AFG3L2: variants seen among roughly 807,000 people sequenced by gnomAD.
The protein encoded by AFG3L2 is mitochondrial inner membrane m-AAA protease component AFG3L2.
A neutral mutation model predicts 94.5 loss-of-function variants in AFG3L2; 54 were observed. The observed-to-expected ratio is 0.57, with a 90% CI of 0.46 to 0.72. The LOEUF is 0.72. Ranked by LOEUF, AFG3L2 falls within the 30% of genes least tolerant of loss-of-function variation. The pLI, the probability that AFG3L2 is intolerant of heterozygous loss-of-function variation, is 0.00. For missense variants in AFG3L2, 754 were observed against 994.9 expected (o/e 0.76, Z 3.26); for synonymous variants, 377 against 365.5 (o/e 1.03, Z -0.36).
chr18:12,369,816 G>A (rs902927126), intron 3 of AFG3L2, among the ~76,000 whole-genome samples: 4 of 152,004 alleles, frequency 2.6e-5, no homozygotes, highest in Non-Finnish European at 4.4e-5. Context: ...CAGCACTTTG[G>A]GAGGCCGAGG....
At chr18:12,332,745 C>G (rs72873482) in intron 16 of AFG3L2, among the ~76,000 whole-genome samples, 3,003 of 148,820 alleles carry the variant, frequency 0.02, 66 homozygotes, top group South Asian at 0.028. Flanking sequence ...CTATAATGCT[C>G]TGATTTTAAA....
intron 6 of AFG3L2, among the ~76,000 whole-genome samples, chr18:12,360,634 C>G (rs530540863): frequency 1.8e-4 from 27 of 152,342 alleles, no homozygotes; most frequent in South Asian, 4.1e-4. Flanking sequence ...CCTCTTTATT[C>G]TCTAGAGCTG....
intron 6 of AFG3L2, among the ~76,000 whole-genome samples, chr18:12,363,279 T>C (rs1310492823): frequency 6.6e-6 from 1 of 152,168 alleles, no homozygotes; most frequent in Non-Finnish European, 1.5e-5. Context: ...CTGGGGTCTC[T>C]GGAAGTATAT....
intron 1 of AFG3L2, among the ~76,000 whole-genome samples, 161 bp from the exon 2 acceptor site, chr18:12,371,852 C>T (rs1909002138): frequency 6.6e-6 from 1 of 152,176 alleles, no homozygotes; most frequent in Non-Finnish European, 1.5e-5. Flanking sequence ...GATTACCTAG[C>T]ACTAGGCCAC....
intron 15 of AFG3L2, 102 bp from the exon 16 acceptor site, chr18:12,337,637 G>A: frequency 9.3e-7 from 1 of 1,071,950 alleles, no homozygotes; most frequent in South Asian, 1.3e-5. Flanking sequence ...AAGGTGCTCT[G>A]TGTAGCCAGC....
intron 1 of AFG3L2, among the ~76,000 whole-genome samples, chr18:12,375,157 G>A (rs1046416722): frequency 6.6e-6 from 1 of 151,702 alleles, no homozygotes; most frequent in African/African-American, 2.4e-5. Context: ...ACGGCAGCGT[G>A]GCGTGACCAT....
chr18:12,339,798 G>A (rs1402031411), intron 15 of AFG3L2, among the ~76,000 whole-genome samples: 6 of 147,868 alleles, frequency 4.1e-5, no homozygotes, highest in East Asian at 4.0e-4. Flanking sequence ...GCAGTGAGCC[G>A]AGATTGCACC....
At chr18:12,361,442 C>A (rs1342112109) in intron 6 of AFG3L2, among the ~76,000 whole-genome samples, 2 of 151,942 alleles carry the variant, frequency 1.3e-5, no homozygotes. Context: ...AGGTCAGGAG[C>A]TCAAGATGAG....
chr18:12,339,881 G>A (rs372679619), intron 15 of AFG3L2, among the ~76,000 whole-genome samples: 1 of 146,976 alleles, frequency 6.8e-6, no homozygotes, highest in African/African-American at 2.5e-5. Flanking sequence ...TTAGCCACAT[G>A]TGGTGGCGCA....
rs1441431027 is a variant in AFG3L2, at chr18:12,370,743, G to A, written c.292+106C>T. The A allele has an allele frequency of 3.8e-6, 3 of 799,228 alleles. No homozygotes were observed. The Admixed American group carries it at 6.6e-5, about 18-fold the overall frequency. 49.5% of individuals were successfully genotyped at this position (799,228 alleles called of 1,614,324 possible). On this transcript the variant is annotated intron_variant, in intron 3 of 16. Transcript: ENST00000269143. ...CAAAAGGCTGGGATTACAGGCGTGA[G>A]ACACTGTGCCCGGCCTGATAACTCT...
chr18:12,366,106 G>C (rs923198988), intron 5 of AFG3L2, among the ~76,000 whole-genome samples: 21 of 151,970 alleles, frequency 1.4e-4, no homozygotes, highest in African/African-American at 5.1e-4. Context: ...TCAATCTCCT[G>C]ACCTCGTGAT....
chr18:12,353,401 C>A (rs1384259071), intron 9 of AFG3L2, among the ~76,000 whole-genome samples: 2 of 149,728 alleles, frequency 1.3e-5, no homozygotes, highest in Admixed American at 6.7e-5. Flanking sequence ...GTGATCCCAG[C>A]TACTCAGGAG....
At position 12,348,398 on chromosome 18, in the gene AFG3L2, C is replaced by A; in HGVS notation, c.1553-15G>T. On this transcript the variant is annotated splice_polypyrimidine_tract_variant and intron_variant, in intron 12 of 16. Coordinates refer to ENST00000269143, the MANE Select transcript of AFG3L2 (RefSeq NM_006796.3). ...AACATCAGCACCTAAAAAATGAACACAGAACAGCTTACCCACCGAAATACG... is the reference window on the plus strand; with the variant it reads ...AACATCAGCACCTAAAAAATGAACAAAGAACAGCTTACCCACCGAAATACG... 6.2e-7 allele frequency: 1 copy of A among 1,607,832 alleles called. No individual in the cohort carries two copies. Among genetic ancestry groups the A allele is most frequent in the Non-Finnish European group, 8.5e-7 (1 of 1,174,330 alleles).
Position 12,329,192 on chromosome 18 carries a change from C to T in AFG3L2, c.*373G>A, listed in dbSNP as rs886053612. ...AGGAGAAACAGGAATGAAGAGTGGG[C>T]GACAAAGAGAAAGCATCCCTTCCCA... On this transcript the variant is annotated 3_prime_UTR_variant, in exon 17 of 17. Coordinates refer to ENST00000269143, the MANE Select transcript of AFG3L2 (RefSeq NM_006796.3). The T allele has an allele frequency of 8.5e-6, 6 of 702,788 alleles. No homozygotes were observed. The highest frequency in any genetic ancestry group is 5.2e-5 in the African/African-American group (3 of 57,232). The allele number at this position is 702,788 out of a possible 1,614,324, so 43.5% of individuals were successfully genotyped here.
chr18:12,354,148 T>G (rs1166008169), intron 9 of AFG3L2, among the ~76,000 whole-genome samples: 1 of 19,322 alleles, frequency 5.2e-5, no homozygotes. Context: ...CCCCCCCCAC[T>G]TCACTGGACA....
At chr18:12,362,510 A>C (rs1908691081) in intron 6 of AFG3L2, among the ~76,000 whole-genome samples, 1 of 152,336 alleles carries the variant, frequency 6.6e-6, no homozygotes, top group African/African-American at 2.4e-5. Flanking sequence ...AAAGAAATCA[A>C]TATAAACCTT....
chr18:12,374,762 C>G (rs1313486923), intron 1 of AFG3L2, among the ~76,000 whole-genome samples: 1 of 152,118 alleles, frequency 6.6e-6, no homozygotes, highest in Non-Finnish European at 1.5e-5. Context: ...TCATGAGCAG[C>G]AAAAGAAAAG....
At chr18:12,334,448 T>G (rs1907680326) in intron 16 of AFG3L2, among the ~76,000 whole-genome samples, 1 of 152,168 alleles carries the variant, frequency 6.6e-6, no homozygotes, top group Admixed American at 6.5e-5. Context: ...CATTCCTGTC[T>G]TTCACAGCTC....
intron 16 of AFG3L2, among the ~76,000 whole-genome samples, chr18:12,332,810 C>T (rs1907577466): frequency 7.5e-6 from 1 of 132,828 alleles, no homozygotes; most frequent in Admixed American, 8.5e-5. Context: ...CATTCTTAGG[C>T]CATTTTTAAT....
Sources: allele counts gnomAD v4.1 joint callset (sites outside exome capture counted in the v4.1 genomes callset), GRCh38; gene constraint gnomAD v4.1.1; transcripts MANE v1.5; gene names NCBI Gene and HGNC (gene_info 2026-07-23, HGNC 2026-07-21).